The following ATXN7 variants were observed in gnomAD, a reference collection of about 807,000 sequenced individuals.
ATXN7 encodes the protein ataxin-7.
ATXN7 carries 12 observed loss-of-function variants against 70.5 expected under a neutral mutation model. The ratio of observed to expected loss-of-function variants is 0.17; its 90% CI spans 0.11 to 0.28. ATXN7 has a LOEUF of 0.28. Among genes scored for constraint, ATXN7 ranks in the 10% least tolerant of loss-of-function variants. ATXN7 has a pLI of 1.00. For missense variants in ATXN7, 1,256 were observed against 1,131.7 expected (o/e 1.11, Z -1.58); for synonymous variants, 498 against 448.7 (o/e 1.11, Z -1.39).
At chr3:63,992,483 A>G (rs2075688353) in intron 11 of ATXN7, among the ~76,000 whole-genome samples, 2 of 152,178 alleles carry the variant, frequency 1.3e-5, no homozygotes, top group Admixed American at 6.5e-5. Context: ...CACTGAGCTC[A>G]TGAAACTATG....
At chr3:63,866,530 A>G (rs1177406447) in intron 1 of ATXN7, among the ~76,000 whole-genome samples, 1 of 152,208 alleles carries the variant, frequency 6.6e-6, no homozygotes, top group Non-Finnish European at 1.5e-5. Context: ...TGCTGGGATT[A>G]TGGGTTTGAG....
intron 4 of ATXN7, among the ~76,000 whole-genome samples, chr3:63,937,988 G>T (rs1006142277): frequency 1.3e-5 from 2 of 152,220 alleles, no homozygotes; most frequent in African/African-American, 4.8e-5. Flanking sequence ...GGTAGCTGTT[G>T]TTAGGTTGTA....
At chr3:63,963,607 A>G (rs2106698338) in intron 5 of ATXN7, among the ~76,000 whole-genome samples, 1 of 152,286 alleles carries the variant, frequency 6.6e-6, no homozygotes, top group South Asian at 2.1e-4. Context: ...AAAAAAGTGG[A>G]TCCTATTATG....
intron 12 of ATXN7, 51 bp from the exon 13 acceptor site, chr3:63,999,399 C>G: frequency 6.8e-7 from 1 of 1,469,848 alleles, no homozygotes; most frequent in Non-Finnish European, 9.5e-7. Flanking sequence ...GTGCAGTGTA[C>G]AAACGCTTAC....
chr3:63,931,363 T>C (rs1559636689), intron 4 of ATXN7, among the ~76,000 whole-genome samples: 2 of 152,148 alleles, frequency 1.3e-5, no homozygotes, highest in African/African-American at 4.8e-5. Flanking sequence ...CCCCAAGTTG[T>C]ATTATAACTC....
chr3:63,877,503 C>T (rs1203208610), intron 1 of ATXN7, among the ~76,000 whole-genome samples: 2 of 152,260 alleles, frequency 1.3e-5, no homozygotes, highest in Non-Finnish European at 2.9e-5. Flanking sequence ...GTGTTGCCTT[C>T]AGGCTGATGA....
rs1021507920 is a variant in ATXN7 at position 63,908,865 on chromosome 3, C to T, written c.-11-3723C>T. Among the ~76,000 whole-genome samples the T allele has an allele frequency of 3.3e-5, 5 of 152,080 alleles. No homozygotes were observed. In the East Asian group the frequency reaches 5.8e-4, roughly 18 times the overall value. On this transcript the variant is annotated intron_variant, in intron 2 of 12. Transcript: ENST00000674280. ...TGAGAACATCCCTAAATTTGGGTGA[C>T]GAGATAAGACCACATTTTAAATATG...
intron 8 of ATXN7, 54 bp downstream of exon 8, chr3:63,983,075 G>C: frequency 1.4e-6 from 2 of 1,381,718 alleles, no homozygotes; most frequent in Non-Finnish European, 2.1e-6. Flanking sequence ...TGGGTGACTG[G>C]GATGTACCAC....
intron 1 of ATXN7, among the ~76,000 whole-genome samples, chr3:63,890,489 T>C (rs1328229853): frequency 6.6e-6 from 1 of 152,186 alleles, no homozygotes; most frequent in Non-Finnish European, 1.5e-5. Context: ...TACATAATTA[T>C]TTTTGAAATC....
At chr3:63,893,574 C>T (rs1703351671) in intron 1 of ATXN7, among the ~76,000 whole-genome samples, 1 of 152,132 alleles carries the variant, frequency 6.6e-6, no homozygotes, top group African/African-American at 2.4e-5. Context: ...ATGGAGGCTC[C>T]TTTAAAAATA....
At chr3:63,874,402 C>G (rs1287113823) in intron 1 of ATXN7, among the ~76,000 whole-genome samples, 1 of 152,212 alleles carries the variant, frequency 6.6e-6, no homozygotes, top group Non-Finnish European at 1.5e-5. Context: ...GAAGGGGCAA[C>G]TTACATTTAT....
chr3:63,864,617 C>G (rs1413508702), intron 1 of ATXN7: 1 of 152,236 alleles, frequency 6.6e-6, no homozygotes, highest in Non-Finnish European at 1.5e-5. Context: ...CGACCAGGAG[C>G]GTGTTGCCAT....
intron 4 of ATXN7, among the ~76,000 whole-genome samples, chr3:63,942,792 TG>T (rs1359128035): frequency 6.6e-6 from 1 of 152,204 alleles, no homozygotes; most frequent in Non-Finnish European, 1.5e-5. Context: ...AAGTTTTATG[TG>T]TGGTAATTCT....
chr3:63,887,730 C>T (rs2107237645), intron 1 of ATXN7, among the ~76,000 whole-genome samples: 1 of 152,190 alleles, frequency 6.6e-6, no homozygotes, highest in East Asian at 1.9e-4. Flanking sequence ...GGACTACAGG[C>T]ATGTGTCACC....
intron 4 of ATXN7, among the ~76,000 whole-genome samples, chr3:63,925,795 C>T (rs1028249074): frequency 9.9e-5 from 15 of 152,214 alleles, no homozygotes; most frequent in African/African-American, 3.4e-4. Context: ...CTGGAAGAGG[C>T]GAATGGGGAG....
intron 4 of ATXN7, among the ~76,000 whole-genome samples, chr3:63,931,339 A>G (rs1169640426): frequency 2.0e-5 from 3 of 152,212 alleles, no homozygotes; most frequent in Non-Finnish European, 4.4e-5. Context: ...AGGAGAAAGC[A>G]TGAAGCTTAA....
chr3:63,905,902 G>C (rs1053826504), intron 2 of ATXN7: 1 of 152,192 alleles, frequency 6.6e-6, no homozygotes, highest in African/African-American at 2.4e-5. Context: ...AGCCATAGAT[G>C]ATGTCATTTA....
chr3:63,923,804 AAAAG>A (rs1157529507), intron 4 of ATXN7, among the ~76,000 whole-genome samples: 5 of 152,004 alleles, frequency 3.3e-5, no homozygotes, highest in African/African-American at 4.8e-5. Flanking sequence ...CAAAAAGTAA[AAAAG>A]AAAGAAGCAG....
At chr3:63,922,981 C>T (rs779265530) in intron 4 of ATXN7, among the ~76,000 whole-genome samples, 9 of 152,166 alleles carry the variant, frequency 5.9e-5, no homozygotes, top group Non-Finnish European at 1.3e-4. Flanking sequence ...ATCAAGGACA[C>T]CTATGTAACT....
Sources: allele counts gnomAD v4.1 joint callset (sites outside exome capture counted in the v4.1 genomes callset), GRCh38; gene constraint gnomAD v4.1.1; transcripts MANE v1.5; gene names NCBI Gene and HGNC (gene_info 2026-07-23, HGNC 2026-07-21).